ITPR1: variants seen among roughly 807,000 people sequenced by gnomAD.
ITPR1 encodes the protein inositol 1,4,5-trisphosphate receptor type 1, also known as inositol 1,4,5-trisphosphate-gated calcium channel ITPR1.
Under a neutral mutation model 318.4 loss-of-function variants are expected in ITPR1, and 96 were observed. That is an observed-to-expected ratio of 0.30 (90% CI 0.26 to 0.36). The LOEUF is 0.36. Ranked by LOEUF, ITPR1 falls within the 10% of genes least tolerant of loss-of-function variation. The probability of loss-of-function intolerance (pLI) is 1.00; values close to 1 mark genes in which losing one functional copy is unlikely to be tolerated. For synonymous variants in ITPR1, 1,312 were observed against 1,289.9 expected, an observed-to-expected ratio of 1.02 and a Z score of -0.37; for missense variants, 2,440 against 3,460.2, an observed-to-expected ratio of 0.71 and a Z score of 7.40.
rs1404354322 is a variant in ITPR1 at position 4,644,138 on chromosome 3, G to T, written c.528G>T (p.Val176=). Reference sequence around the variant, plus strand: ...TCTATTGCTCCTTTCCATTCCAGGTGGTCATAGGTGACAAGGTGGTTCTGA... The same window carrying T: ...TCTATTGCTCCTTTCCATTCCAGGTTGTCATAGGTGACAAGGTGGTTCTGA... ...FYKLRSIGDS[V]VIGDKVVLNP... is the part of the protein sequence containing the mutation. Residue 176 remains valine, a splice_region_variant and synonymous_variant, in exon 8 of 62, where the codon GTG becomes GTT. Transcript: ENST00000649015. 1.2e-6 allele frequency: 2 copies of T among 1,606,700 alleles called. No homozygotes were observed. The highest frequency in any genetic ancestry group is 1.7e-6 in the Non-Finnish European group (2 of 1,175,016).
chr3:4,650,644 T>TGTGTGTGTGC (rs1337776997), intron 10 of ITPR1, among the ~76,000 whole-genome samples: 10 of 26,548 alleles, frequency 3.8e-4, no homozygotes, highest in African/African-American at 6.5e-4. Flanking sequence ...TGTGTGTGTG[T>TGTGTGTGTGC]GCGCGCGTCT....
At chr3:4,763,328 A>G (rs942391019) in intron 44 of ITPR1, among the ~76,000 whole-genome samples, 7 of 152,208 alleles carry the variant, frequency 4.6e-5, no homozygotes, top group African/African-American at 1.7e-4. Context: ...ACAAACCTGC[A>G]CGTCCTGCAT....
At chr3:4,617,028 A>C (rs1465430200) in intron 4 of ITPR1, among the ~76,000 whole-genome samples, 1 of 151,830 alleles carries the variant, frequency 6.6e-6, no homozygotes, top group Non-Finnish European at 1.5e-5. Flanking sequence ...CAGAGAACCT[A>C]TGTGAGAATT....
intron 29 of ITPR1, among the ~76,000 whole-genome samples, chr3:4,684,663 A>G (rs573217069): frequency 1.3e-5 from 2 of 152,234 alleles, no homozygotes; most frequent in Non-Finnish European, 2.9e-5. Flanking sequence ...GGAGTCATCT[A>G]AGTGCCTGGT....
intron 4 of ITPR1, among the ~76,000 whole-genome samples, chr3:4,551,535 G>A (rs1326162455): frequency 6.6e-6 from 1 of 152,182 alleles, no homozygotes; most frequent in Non-Finnish European, 1.5e-5. Flanking sequence ...AATTATAAAG[G>A]GTTGAGTAGC....
chr3:4,503,295 G>A (rs575911743), intron 2 of ITPR1, among the ~76,000 whole-genome samples: 58 of 152,212 alleles, frequency 3.8e-4, no homozygotes, highest in South Asian at 8.3e-4. Context: ...TATTGGTATT[G>A]CCCTGGTGAG....
intron 4 of ITPR1, among the ~76,000 whole-genome samples, chr3:4,622,919 C>G (rs1307101958): frequency 1.3e-5 from 2 of 152,220 alleles, no homozygotes; most frequent in East Asian, 3.8e-4. Flanking sequence ...ACAGAAGTCT[C>G]TGCCTTCAGA....
At chr3:4,758,236 G>A (rs892419283) in intron 44 of ITPR1, among the ~76,000 whole-genome samples, 3 of 152,174 alleles carry the variant, frequency 2.0e-5, no homozygotes, top group East Asian at 1.9e-4. Flanking sequence ...GGCCCAGAGC[G>A]AGGGCTTCTG....
intron 4 of ITPR1, among the ~76,000 whole-genome samples, chr3:4,580,522 G>T (rs1325502907): frequency 1.3e-5 from 2 of 152,172 alleles, no homozygotes; most frequent in Non-Finnish European, 2.9e-5. Flanking sequence ...AATGTCCCTG[G>T]CAGGAGAACA....
At chr3:4,777,158 C>A in intron 47 of ITPR1, 106 bp from the exon 48 acceptor site, 3 of 646,542 alleles carry the variant, frequency 4.6e-6, no homozygotes, top group Admixed American at 2.5e-5. Flanking sequence ...AGAGACATTA[C>A]TGGGAGTGGT....
chr3:4,796,019 C>A (rs1192611331), intron 53 of ITPR1, among the ~76,000 whole-genome samples: 2 of 152,124 alleles, frequency 1.3e-5, no homozygotes, highest in African/African-American at 4.8e-5. Flanking sequence ...CCAGGAACCA[C>A]CTTATGTGAC....
chr3:4,690,105 T>C (rs1157569777), intron 31 of ITPR1, among the ~76,000 whole-genome samples: 1 of 152,172 alleles, frequency 6.6e-6, no homozygotes, highest in African/African-American at 2.4e-5. Context: ...GGTGAAACCT[T>C]ATCTCTATTA....
At chr3:4,503,192 A>T (rs112588535) in intron 2 of ITPR1, among the ~76,000 whole-genome samples, 2 of 152,330 alleles carry the variant, frequency 1.3e-5, no homozygotes, top group African/African-American at 4.8e-5. Flanking sequence ...GTTCAGTACA[A>T]ATCTCTGCAG....
chr3:4,770,256 G>A (rs867279526), intron 46 of ITPR1, among the ~76,000 whole-genome samples: 2 of 152,162 alleles, frequency 1.3e-5, no homozygotes, highest in East Asian at 1.9e-4. Context: ...TGGTACTGCC[G>A]CAGTGAATTG....
chr3:4,787,661 G>GCACT (rs1251665781), intron 51 of ITPR1, among the ~76,000 whole-genome samples: 1 of 151,970 alleles, frequency 6.6e-6, no homozygotes, highest in Non-Finnish European at 1.5e-5. Context: ...TCGCACCACT[G>GCACT]CACTCTGTCC....
Position 4,787,968 on chromosome 3 carries a change from A to G in ITPR1, c.6637A>G (p.Met2213Val), listed in dbSNP as rs2047313303. 1.2e-6 allele frequency: 2 copies of G among 1,612,352 alleles called. No homozygotes were observed. Among genetic ancestry groups the G allele is most frequent in the African/African-American group, 1.3e-5 (1 of 75,006 alleles). ...QIEIVRLDRT[M>V]EQIVFPVPSI... ...CTAGATTGTCAGATTAGACCGAACA[A>G]TGGAACAGATAGTCTTTCCCGTGCC... The change falls in exon 52 of 62, where the codon ATG becomes GTG. Residue 2213 changes from methionine to valine, a missense_variant. Around this residue, in one of 23 missense-constraint regions of ITPR1, gnomAD observed 115 missense variants for 204.5 expected, o/e 0.56. Coordinates refer to ENST00000649015, the MANE Select transcript of ITPR1 (RefSeq NM_001378452.1).
intron 4 of ITPR1, among the ~76,000 whole-genome samples, chr3:4,598,522 C>T (rs1164700261): frequency 6.6e-6 from 1 of 151,662 alleles, no homozygotes; most frequent in African/African-American, 2.4e-5. Flanking sequence ...TCGGTGGGGC[C>T]GAGACAGGAG....
At chr3:4,518,098 C>T (rs550990712) in intron 3 of ITPR1, among the ~76,000 whole-genome samples, 9 of 152,326 alleles carry the variant, frequency 5.9e-5, no homozygotes, top group Non-Finnish European at 1.2e-4. Context: ...CTAGGGCTGC[C>T]AGCAGTTGCT....
chr3:4,713,282 C>T (rs2041516877), intron 39 of ITPR1, among the ~76,000 whole-genome samples: 1 of 152,166 alleles, frequency 6.6e-6, no homozygotes, highest in South Asian at 2.1e-4. Flanking sequence ...AATATTTTTG[C>T]ATCCATGGGC....
Sources: gnomAD v4.1 joint callset for allele counts (sites outside exome capture counted in the v4.1 genomes callset) on GRCh38, gnomAD v4.1.1 for gene constraint, gnomAD v4.1.1 regional missense constraint, MANE v1.5 for transcripts, NCBI Gene and HGNC (gene_info 2026-07-23, HGNC 2026-07-21) for gene names.